Variants in BCL9L observed in about 807,000 individuals in gnomAD.
BCL9L encodes BCL9 like.
BCL9L carries 19 observed loss-of-function variants against 99.4 expected under a neutral mutation model. The ratio of observed to expected loss-of-function variants is 0.19; its 90% CI spans 0.13 to 0.28. The LOEUF (loss-of-function observed/expected upper bound fraction) is 0.28, where lower values mean the gene tolerates loss of function less well. BCL9L is among the 10% of genes least tolerant of loss of function. The pLI is 1.00. For synonymous variants in BCL9L, 900 were observed against 854.8 expected (o/e 1.05, Z -0.92); for missense variants, 2,023 against 2,101.6 (o/e 0.96, Z 0.73).
chr11:118,901,485 A>G lies in BCL9L; in HGVS notation c.2258T>C (p.Met753Thr). The stretch of plus-strand genomic sequence containing the variant: ...CACCTCCCTCAGCCCAGACTGCCCC[A>G]TGGGAGGGCTCAGGAGGCCCCGGCC... ...GGGRGLLSPP[M>T]GQSGLREVDP... The change falls in exon 8 of 10, where the codon ATG (methionine) becomes ACG (threonine). Residue 753 changes from methionine to threonine, a missense_variant. Physicochemically the swap from Met to Thr is moderately conservative, Grantham distance 81. This residue lies in a region of BCL9L where 1,116 missense variants were observed against 1,194.6 expected (regional missense o/e 0.93). Transcript: ENST00000683865. This position sits in a 1 kb window ranked among gnomAD's most constrained non-coding sequence, Gnocchi z 6.6. 6.2e-7 allele frequency: 1 copy of G among 1,614,034 alleles called. No individual in the cohort carries two copies. The highest frequency in any genetic ancestry group is 8.5e-7 in the Non-Finnish European group (1 of 1,179,964).
intron 1 of BCL9L, among the ~76,000 whole-genome samples, chr11:118,924,960 A>G (rs1211727518): frequency 1.3e-5 from 2 of 152,120 alleles, no homozygotes; most frequent in Non-Finnish European, 2.9e-5. Context: ...CAGCTGGCCC[A>G]AGGCCGGCCT....
intron 2 of BCL9L, chr11:118,911,023 G>A (rs1324682905): frequency 9.6e-6 from 3 of 313,736 alleles, no homozygotes; most frequent in South Asian, 2.4e-5. Flanking sequence ...TGGGAGCGCC[G>A]GACCCATTGA....
intron 2 of BCL9L, chr11:118,910,896 A>G: frequency 4.8e-6 from 1 of 209,128 alleles, no homozygotes; most frequent in East Asian, 1.7e-4. Context: ...GGGAGACAAG[A>G]CACGCACGGA....
chr11:118,907,729 G>T, intron 4 of BCL9L, 127 bp from the exon 5 acceptor site: 2 of 1,429,352 alleles, frequency 1.4e-6, no homozygotes, highest in South Asian at 1.3e-5. Flanking sequence ...GGCCATGGTG[G>T]GCACTTCGCC....
intron 2 of BCL9L, among the ~76,000 whole-genome samples, chr11:118,916,232 C>G (rs1373245341): frequency 1.3e-5 from 2 of 152,204 alleles, no homozygotes. Flanking sequence ...CCAGCCCACC[C>G]CTCTTGGTAC....
rs143818410 is a variant in BCL9L, at chr11:118,898,841, A to C, written c.4074T>G (p.His1358Gln). Residue 1358 changes from histidine to glutamine, a missense_variant, in exon 10 of 10, where the codon CAT becomes CAG. By Grantham distance (24) the His-to-Gln change is conservative. Around this residue, in one of 3 missense-constraint regions of BCL9L, gnomAD observed 902 missense variants for 888.2 expected, o/e 1.02. Coordinates refer to ENST00000683865, the MANE Select transcript of BCL9L (RefSeq NM_001378213.1). ...CCATCATGTTCTGCAGGTTCATGAGATGCAGATTAGGGGGCTGAGCCTTGG... is the reference window on the plus strand; with the variant it reads ...CCATCATGTTCTGCAGGTTCATGAGCTGCAGATTAGGGGGCTGAGCCTTGG... ...QPPKAQPPNLHLMNLQNMMAE... is the reference protein window; with the variant it reads ...QPPKAQPPNLQLMNLQNMMAE... The C allele has an allele frequency of 1.0e-3, 1,607 of 1,614,052 alleles. 5 individuals carry two copies. The highest frequency in any genetic ancestry group is 8.4e-3 in the Admixed American group (503 of 60,014).
At position 118,902,036 on chromosome 11, in the gene BCL9L, C is replaced by T; in HGVS notation, c.1707G>A (p.Gly569=). 6.2e-7 allele frequency: 1 copy of T among 1,613,968 alleles called. No homozygotes were observed. Among genetic ancestry groups the T allele is most frequent in the Non-Finnish European group, 8.5e-7 (1 of 1,179,990 alleles). ...CACCCATTCCAGGTGGCCACTGATC[C>T]CCAGGCTTGCTGTGGTAAGGAGGCG... The part of the protein sequence containing the change: ...GPPPPYHSKP[G]DQWPPGMGAQ... Residue 569 remains glycine, a synonymous_variant, in exon 8 of 10, where the codon GGG becomes GGA. Transcript: ENST00000683865. This position sits in a 1 kb window ranked among gnomAD's most constrained non-coding sequence, Gnocchi z 7.8.
chr11:118,902,858 T>A lies in BCL9L; in HGVS notation c.885A>T (p.Ser295=). Residue 295 remains serine (S), a synonymous_variant, in exon 8 of 10, where the codon TCA becomes TCT. Coordinates refer to ENST00000683865, the MANE Select transcript of BCL9L (RefSeq NM_001378213.1). The surrounding 1 kb of genome is among the most constrained non-coding windows in gnomAD (Gnocchi z 7.8). ...TPEPLPLSTP[S]AGTPQSQPPP... ...GTGGCTGGGACTGCGGGGTGCCTGC[T>A]GACGGCGTGCTCAGGGGTAGCGGTT... is the stretch of plus-strand genomic sequence containing the variant. 6.4e-7 allele frequency: 1 copy of A among 1,551,528 alleles called. No individual in the cohort carries two copies. Among genetic ancestry groups the A allele is most frequent in the Non-Finnish European group, 8.7e-7 (1 of 1,154,894 alleles).
chr11:118,898,366 G>C lies in BCL9L; in HGVS notation c.*49C>G. ...ACATTGAGGGGAAGAACTTTGTTAA[G>C]GTTATCGTATTTGCAACATTGCCCC... On this transcript the variant is annotated 3_prime_UTR_variant, in exon 10 of 10. Coordinates refer to ENST00000683865, the MANE Select transcript of BCL9L (RefSeq NM_001378213.1). The C allele has an allele frequency of 2.3e-6, 3 of 1,319,938 alleles. No homozygotes were observed. The highest frequency in any genetic ancestry group is 1.0e-6 in the Non-Finnish European group (1 of 996,440). The allele number at this position is 1,319,938 out of a possible 1,614,324, so 81.8% of individuals were successfully genotyped here. A position where few individuals can be genotyped will look rare whatever the true frequency, so the allele number is the denominator to read the frequency against.
rs764095250 is a variant in BCL9L at position 118,897,823 on chromosome 11, C to G, written c.*592G>C. 6.6e-6 allele frequency: 3 copies of G among 456,324 alleles called. No homozygotes were observed. Among genetic ancestry groups the G allele is most frequent in the Admixed American group, 2.4e-5 (1 of 42,534 alleles). 28.3% of individuals were successfully genotyped at this position (456,324 alleles called of 1,614,324 possible). A position where few individuals can be genotyped will look rare whatever the true frequency, so the allele number is the denominator to read the frequency against. ...GCACACGCACAAACCAGCACAAAAG[C>G]GCAGCGCTCTATTTACAGCTCCGGC... On this transcript the variant is annotated 3_prime_UTR_variant, in exon 10 of 10. Transcript: ENST00000683865.
rs1266218531 is a variant in BCL9L at position 118,921,931 on chromosome 11, C to T, written c.-130-3052G>A. On this transcript the variant is annotated intron_variant, in intron 1 of 9. Coordinates refer to ENST00000683865, the MANE Select transcript of BCL9L (RefSeq NM_001378213.1). This position sits in a 1 kb window ranked among gnomAD's most constrained non-coding sequence, Gnocchi z 5.4. ...GCAAGGGCCTGCAGGAGTCAGGGGT[C>T]TTCCACAGGTTCCAGGACCCCCCAC... Among the ~76,000 whole-genome samples, 1 of 152,170 alleles carries T rather than the reference C, an allele frequency of 6.6e-6. No individual in the cohort carries two copies. Among genetic ancestry groups the T allele is most frequent in the Non-Finnish European group, 1.5e-5 (1 of 68,014 alleles).
At chr11:118,919,107 C>G (rs1204521121) in intron 1 of BCL9L, among the ~76,000 whole-genome samples, 1 of 18,862 alleles carries the variant, frequency 5.3e-5, no homozygotes, top group South Asian at 3.5e-3. Flanking sequence ...CACCGCTGCC[C>G]CCCCCCCCCC....
intron 4 of BCL9L, among the ~76,000 whole-genome samples, chr11:118,907,934 C>T (rs1232707955): frequency 1.3e-5 from 2 of 152,182 alleles, no homozygotes; most frequent in East Asian, 1.9e-4. Context: ...TCCCACCAGC[C>T]GGGATACGGA....
intron 1 of BCL9L, 52 bp from the exon 2 acceptor site, chr11:118,918,931 C>T (rs923385469): frequency 2.0e-5 from 3 of 152,132 alleles, no homozygotes; most frequent in Middle Eastern, 3.4e-3. Flanking sequence ...TCTATGTCCC[C>T]GCTCCTCCCA....
In BCL9L at chr11:118,899,948, G is replaced by A. The variant is rs767526709; in HGVS notation, c.3375C>T (p.Pro1125=). ...DELLPDRPLL[P]PPPPPQGSGP... ...CGGAGCCCTGCGGTGGTGGTGGGGG[G>A]GGCAGCAGGGGCCGGTCGGGCAGCA... The change falls in exon 9 of 10, where the codon CCC becomes CCT. Residue 1125 remains proline (P), a synonymous_variant. Coordinates refer to ENST00000683865, the MANE Select transcript of BCL9L (RefSeq NM_001378213.1). 1.7e-5 allele frequency: 28 copies of A among 1,613,416 alleles called. No individual in the cohort carries two copies. The South Asian group carries it at 2.9e-4, about 16-fold the overall frequency.
chr11:118,898,960 T>C lies in BCL9L; in HGVS notation c.3955A>G (p.Thr1319Ala), dbSNP rs773305789. The C allele has an allele frequency of 8.1e-6, 13 of 1,612,776 alleles. No homozygotes were observed. In the East Asian group the frequency reaches 1.6e-4, roughly 19 times the overall value. The change falls in exon 10 of 10, where the codon ACG becomes GCG. Residue 1319 changes from threonine to alanine, a missense_variant. Thr to Ala is a moderately conservative substitution (Grantham distance 58). Coordinates refer to ENST00000683865, the MANE Select transcript of BCL9L (RefSeq NM_001378213.1). ...GACAAGTCGAACTCGGGGATCCCCG[T>C]TGGGGTGGGCCGGATCACCTCGCTC... ...ELSEVIRPTPTGIPEFDLSRI... is the reference protein window; with the variant it reads ...ELSEVIRPTPAGIPEFDLSRI...
At position 118,900,642 on chromosome 11, in the gene BCL9L, G is replaced by A. The variant is rs1270029094; in HGVS notation, c.3101C>T (p.Thr1034Ile). ...KQPPLNMNSS[T>I]TLSNMEQGTL... is the part of the protein sequence containing the mutation. ...ACCCTGTTCCATGTTGCTCAGGGTG[G>A]TGGAAGAGTTCATGTTGAGAGGCGG... The change falls in exon 8 of 10, where the codon ACC (threonine) becomes ATC (isoleucine). Residue 1034 changes from threonine (T) to isoleucine (I), a missense_variant. Physicochemically the swap from Thr to Ile is moderately conservative, Grantham distance 89. Transcript: ENST00000683865. This position sits in a 1 kb window ranked among gnomAD's most constrained non-coding sequence, Gnocchi z 5.3. 6.2e-7 allele frequency: 1 copy of A among 1,611,290 alleles called. No individual in the cohort carries two copies. The highest frequency in any genetic ancestry group is 8.5e-7 in the Non-Finnish European group (1 of 1,178,528).
In BCL9L at chr11:118,897,717, G is replaced by C; in HGVS notation, c.*698C>G. 1 of 449,084 alleles carries C rather than the reference G, an allele frequency of 2.2e-6. No individual in the cohort carries two copies. Among genetic ancestry groups the C allele is most frequent in the Non-Finnish European group, 4.4e-6 (1 of 224,828 alleles). The allele number at this position is 449,084 out of a possible 1,614,324, so 27.8% of individuals were successfully genotyped here. A position where few individuals can be genotyped will look rare whatever the true frequency, so the allele number is the denominator to read the frequency against. On this transcript the variant is annotated 3_prime_UTR_variant, in exon 10 of 10. Coordinates refer to ENST00000683865, the MANE Select transcript of BCL9L (RefSeq NM_001378213.1). ...GTCCCTGGGTCCAGGGGAATGGAGG[G>C]AGCAATAACTTGAAGAAGGGGGGAA...
chr11:118,908,177 G>A (rs1203869472), intron 4 of BCL9L, 93 bp downstream of exon 4: 4 of 1,472,770 alleles, frequency 2.7e-6, no homozygotes, highest in Non-Finnish European at 3.6e-6. Flanking sequence ...GATGAGGACT[G>A]GACAAGCAGG....
Sources: allele counts gnomAD v4.1 joint callset (sites outside exome capture counted in the v4.1 genomes callset), GRCh38; gene constraint gnomAD v4.1.1; regional missense constraint gnomAD v4.1.1; non-coding constraint Gnocchi (gnomAD v3.1); transcripts MANE v1.5; gene names NCBI Gene and HGNC (gene_info 2026-07-23, HGNC 2026-07-21).